The following ZNF385D variants were observed in gnomAD, a reference collection of about 807,000 sequenced individuals.
ZNF385D encodes the protein zinc finger protein 659.
ZNF385D carries 15 observed loss-of-function variants against 35.8 expected under a neutral mutation model. The ratio of observed to expected loss-of-function variants is 0.42; its 90% CI spans 0.28 to 0.64. The LOEUF (loss-of-function observed/expected upper bound fraction) is 0.64, where lower values mean the gene tolerates loss of function less well. Among genes scored for constraint, ZNF385D ranks in the 30% least tolerant of loss-of-function variants. ZNF385D has a pLI of 0.23. For synonymous variants in ZNF385D, 212 were observed against 186.8 expected (o/e 1.13, Z -1.10); for missense variants, 474 against 494.6 (o/e 0.96, Z 0.39).
intron 7 of ZNF385D, 78 bp from the exon 8 acceptor site, chr3:21,421,525 T>G: frequency 4.1e-6 from 4 of 970,940 alleles, no homozygotes; most frequent in Non-Finnish European, 6.1e-6. Flanking sequence ...GCAGGGAGCT[T>G]TTAAAATATA....
chr3:21,982,853 T>G (rs539010419), intron 3 of ZNF385D, among the ~76,000 whole-genome samples: 162 of 149,938 alleles, frequency 1.1e-3, no homozygotes, highest in Middle Eastern at 3.5e-3. Context: ...ATCATGTGGG[T>G]TTTTTTTGTC....
intron 1 of ZNF385D, among the ~76,000 whole-genome samples, chr3:21,707,362 A>G (rs564727868): frequency 1.3e-5 from 2 of 152,300 alleles, no homozygotes; most frequent in African/African-American, 4.8e-5. Flanking sequence ...TCAAGCTTTC[A>G]TTTATATTTC....
chr3:21,756,849 G>A (rs1158223056), intron 3 of ZNF385D, among the ~76,000 whole-genome samples: 8 of 152,040 alleles, frequency 5.3e-5, no homozygotes, highest in Non-Finnish European at 1.0e-4. Flanking sequence ...CTGTCCATAC[G>A]GAAACAAATA....
Position 22,368,541 on chromosome 3 carries a change from A to G in ZNF385D, c.106+3909T>C, listed in dbSNP as rs1467838279. On this transcript the variant is annotated intron_variant, in intron 2 of 5. Coordinates refer to the ZNF385D transcript ENST00000494108. Reference sequence around the variant, plus strand: ...GTAGCTAAACAACAAACATTTGTTTATCACAGTTCTGGAGGCTGTGAAGAC... The same window carrying G: ...GTAGCTAAACAACAAACATTTGTTTGTCACAGTTCTGGAGGCTGTGAAGAC... Among the ~76,000 whole-genome samples, 10 of 152,208 alleles carry G rather than the reference A, an allele frequency of 6.6e-5. 1 individual carries two copies. Among genetic ancestry groups the G allele is most frequent in the Admixed American group, 3.9e-4 (6 of 15,280 alleles).
At chr3:21,768,953 A>T (rs933745999) in intron 3 of ZNF385D, among the ~76,000 whole-genome samples, 1 of 152,066 alleles carries the variant, frequency 6.6e-6, no homozygotes, top group African/African-American at 2.4e-5. Flanking sequence ...GTGCATTCCC[A>T]GGGAAAGTCA....
intron 2 of ZNF385D, among the ~76,000 whole-genome samples, chr3:22,340,814 C>G (rs1011187766): frequency 1.3e-5 from 2 of 152,216 alleles, no homozygotes; most frequent in African/African-American, 4.8e-5. Context: ...TCCACATTCA[C>G]AGGCTCACTG....
chr3:21,421,370 T>C lies in ZNF385D; in HGVS notation c.1032A>G (p.Ala344=), dbSNP rs1449532249. ...RILPNPLAAA[A]AAAAVAVSSP... ...AACTCACTGCCACTGCTGCTGCGGC[T>C]GCTGCAGCTGCTAGAGGATTTGGTA... Residue 344 remains alanine, a synonymous_variant, in exon 8 of 8, where the codon GCA becomes GCG. Coordinates refer to ENST00000281523, the MANE Select transcript of ZNF385D (RefSeq NM_024697.3). 1 of 1,613,388 alleles carries C rather than the reference T, an allele frequency of 6.2e-7. No homozygotes were observed. The highest frequency in any genetic ancestry group is 1.7e-5 in the Admixed American group (1 of 59,978).
intron 1 of ZNF385D, among the ~76,000 whole-genome samples, chr3:21,711,112 G>A (rs1456769720): frequency 1.4e-5 from 2 of 140,566 alleles, no homozygotes; most frequent in African/African-American, 5.3e-5. Flanking sequence ...CGTGATCTCG[G>A]CTCACTGCAA....
chr3:22,019,484 A>G (rs545834789), intron 3 of ZNF385D, among the ~76,000 whole-genome samples: 1 of 152,106 alleles, frequency 6.6e-6, no homozygotes, highest in Admixed American at 6.6e-5. Context: ...TAAAGATACT[A>G]ATTGAATTTG....
intron 2 of ZNF385D, among the ~76,000 whole-genome samples, chr3:21,664,635 A>G (rs2066346344): frequency 6.6e-6 from 1 of 152,206 alleles, no homozygotes; most frequent in South Asian, 2.1e-4. Flanking sequence ...TGTTGCCCAG[A>G]AGACACTAGA....
rs149202584 is a variant in ZNF385D, at chr3:21,425,658, T to C, written c.686A>G (p.Lys229Arg). ...TCCATTCCGGGCTTCTAACATGGTT[T>C]TGTGCTTAGTACCTGTCAGGAATAT... ...LEAHNSGTKH[K>R]TMLEARNGSG... Residue 229 changes from lysine to arginine, a missense_variant, in exon 6 of 8, where the codon AAA becomes AGA. Lys to Arg is a conservative substitution (Grantham distance 26). Coordinates refer to ENST00000281523, the MANE Select transcript of ZNF385D (RefSeq NM_024697.3). The C allele has an allele frequency of 1.3e-6, 2 of 1,587,350 alleles. No individual in the cohort carries two copies. Among genetic ancestry groups the C allele is most frequent in the African/African-American group, 1.4e-5 (1 of 73,906 alleles).
At chr3:21,642,776 A>G (rs1445933718) in intron 2 of ZNF385D, among the ~76,000 whole-genome samples, 1 of 152,188 alleles carries the variant, frequency 6.6e-6, no homozygotes, top group Non-Finnish European at 1.5e-5. Context: ...TTAAAATGAA[A>G]GAAATTTTGA....
At chr3:21,837,471 G>T (rs889789279) in intron 3 of ZNF385D, among the ~76,000 whole-genome samples, 10 of 152,024 alleles carry the variant, frequency 6.6e-5, no homozygotes, top group Non-Finnish European at 1.2e-4. Flanking sequence ...TGGTATGGTG[G>T]GTTCAGGGTA....
chr3:21,911,856 A>C (rs1699979361), intron 3 of ZNF385D, among the ~76,000 whole-genome samples: 1 of 151,992 alleles, frequency 6.6e-6, no homozygotes, highest in Non-Finnish European at 1.5e-5. Context: ...TATTTACAAA[A>C]TATAGTATAA....
chr3:21,423,319 G>A (rs1700831470), intron 7 of ZNF385D, among the ~76,000 whole-genome samples: 1 of 152,144 alleles, frequency 6.6e-6, no homozygotes, highest in Non-Finnish European at 1.5e-5. Flanking sequence ...TTGTATAAAT[G>A]TTTCAAAATG....
At chr3:21,856,677 C>T (rs1359419197) in intron 3 of ZNF385D, among the ~76,000 whole-genome samples, 1 of 152,058 alleles carries the variant, frequency 6.6e-6, no homozygotes, top group East Asian at 1.9e-4. Flanking sequence ...CCAGTCCAAG[C>T]CACCATCATC....
chr3:21,832,772 A>G (rs1395994054), intron 3 of ZNF385D, among the ~76,000 whole-genome samples: 1 of 152,136 alleles, frequency 6.6e-6, no homozygotes, highest in Non-Finnish European at 1.5e-5. Context: ...AAGTTGTACT[A>G]GACATTTCAG....
chr3:21,930,202 C>A (rs1325877136), intron 3 of ZNF385D, among the ~76,000 whole-genome samples: 4 of 150,758 alleles, frequency 2.7e-5, no homozygotes, highest in African/African-American at 9.7e-5. Flanking sequence ...AAAGAACAGT[C>A]TTTTCAGCAA....
intron 3 of ZNF385D, among the ~76,000 whole-genome samples, chr3:21,903,959 T>C (rs919005373): frequency 2.6e-5 from 4 of 152,132 alleles, no homozygotes; most frequent in African/African-American, 4.8e-5. Context: ...TGTATCAGCA[T>C]GTTTGATGAC....
Sources: gnomAD v4.1 joint callset for allele counts (sites outside exome capture counted in the v4.1 genomes callset) on GRCh38, gnomAD v4.1.1 for gene constraint, MANE v1.5 for transcripts, NCBI Gene and HGNC (gene_info 2026-07-23, HGNC 2026-07-21) for gene names.